The following CENPH variants were observed in gnomAD, a reference collection of about 807,000 sequenced individuals.
CENPH encodes the protein CENP-H.
A neutral mutation model predicts 42.9 loss-of-function variants in CENPH; 40 were observed. The observed-to-expected ratio is 0.93, with a 90% CI of 0.72 to 1.21. The LOEUF (loss-of-function observed/expected upper bound fraction) is 1.21. CENPH is among the 50% of genes most tolerant of loss of function. The probability of loss-of-function intolerance (pLI) is 0.00; values close to 1 mark genes in which losing one functional copy is unlikely to be tolerated. For missense variants in CENPH, 302 were observed against 292.9 expected (o/e 1.03, Z -0.23); for synonymous variants, 88 against 96.5 (o/e 0.91, Z 0.52).
chr5:69,200,167 T>C (rs1398333426), intron 5 of CENPH, among the ~76,000 whole-genome samples: 5 of 151,492 alleles, frequency 3.3e-5, no homozygotes, highest in Non-Finnish European at 7.4e-5. Context: ...CAGTGTTTTA[T>C]TAGCACATTT....
At chr5:69,194,214 A>G (rs1163636509) in intron 2 of CENPH, among the ~76,000 whole-genome samples, 2 of 151,804 alleles carry the variant, frequency 1.3e-5, no homozygotes, top group African/African-American at 4.8e-5. Context: ...GCTGGAGTGC[A>G]GTAGCAAGAT....
At chr5:69,191,261 C>G (rs1034213631) in intron 1 of CENPH, among the ~76,000 whole-genome samples, 6 of 152,146 alleles carry the variant, frequency 3.9e-5, no homozygotes, top group Non-Finnish European at 4.4e-5. Context: ...GCCTGTAATC[C>G]CAGCACTTTG....
intron 5 of CENPH, among the ~76,000 whole-genome samples, chr5:69,200,229 T>C (rs1748036398): frequency 6.6e-6 from 1 of 152,142 alleles, no homozygotes; most frequent in Admixed American, 6.6e-5. Context: ...TGGAATGCCA[T>C]TAGGCAGAAC....
At chr5:69,202,242 A>C (rs1748071381) in intron 5 of CENPH, among the ~76,000 whole-genome samples, 2 of 152,236 alleles carry the variant, frequency 1.3e-5, no homozygotes, top group South Asian at 4.1e-4. Context: ...AATTTTTAGA[A>C]ATGTTCCCAC....
rs751347459 is a variant in CENPH, at chr5:69,189,707, C to T, written c.73C>T (p.Pro25Ser). ...CGGAGGGGAAGGCCGGGCAGGCGGGCCACCGCAGGTCGCCGGCGCCCAGGC... is the reference window on the plus strand; with the variant it reads ...CGGAGGGGAAGGCCGGGCAGGCGGGTCACCGCAGGTCGCCGGCGCCCAGGC... ...DSGGEGRAGG[P>S]PQVAGAQAAC... Residue 25 changes from proline to serine, a missense_variant, in exon 1 of 9, where the codon CCA becomes TCA. Coordinates refer to ENST00000283006, the MANE Select transcript of CENPH (RefSeq NM_022909.4). 14 of 1,572,602 alleles carry T rather than the reference C, an allele frequency of 8.9e-6. No homozygotes were observed. The highest frequency in any genetic ancestry group is 2.2e-4 in the Middle Eastern group (1 of 4,552).
intron 7 of CENPH, among the ~76,000 whole-genome samples, chr5:69,205,615 G>GCAATCCTTTCACCT (rs1307347094): frequency 6.6e-6 from 1 of 151,030 alleles, no homozygotes; most frequent in Non-Finnish European, 1.5e-5. Flanking sequence ...CTGGACTCGA[G>GCAATCCTTTCACCT]CAATCCTTTC....
chr5:69,189,792 C>T, intron 1 of CENPH, 24 bp downstream of exon 1: 2 of 1,427,656 alleles, frequency 1.4e-6, no homozygotes, highest in East Asian at 2.8e-5. Flanking sequence ...GCCTCCTCAG[C>T]CGGGGCCAAG....
chr5:69,202,916 C>T lies in CENPH; in HGVS notation c.436-3C>T, dbSNP rs1748080743. On this transcript the variant is annotated splice_polypyrimidine_tract_variant and splice_region_variant and intron_variant, in intron 6 of 8. Coordinates refer to ENST00000283006, the MANE Select transcript of CENPH (RefSeq NM_022909.4). ...GCTTTAACTTTTTTATTTTTAATAA[C>T]AGGAATCTTGGGATTTAGAGGAAAA... 6.5e-7 allele frequency: 1 copy of T among 1,546,358 alleles called. No individual in the cohort carries two copies. The highest frequency in any genetic ancestry group is 1.8e-5 in the Admixed American group (1 of 56,736).
chr5:69,194,677 A>C lies in CENPH; in HGVS notation c.221A>C (p.Gln74Pro). The C allele has an allele frequency of 6.3e-7, 1 of 1,588,146 alleles. No homozygotes were observed. The highest frequency in any genetic ancestry group is 8.6e-7 in the Non-Finnish European group (1 of 1,164,862). The part of the protein sequence containing the change: ...SEEKTPEQIM[Q>P]EKQIEAKIED... ...GAAAAAACTCCAGAACAAATTATGCAAGAAAAGCAAATCGAAGCGTATGTT... is the reference window on the plus strand; with the variant it reads ...GAAAAAACTCCAGAACAAATTATGCCAGAAAAGCAAATCGAAGCGTATGTT... Residue 74 changes from glutamine (Q) to proline (P), a missense_variant, in exon 3 of 9, where the codon CAA (glutamine) becomes CCA (proline). Coordinates refer to ENST00000283006, the MANE Select transcript of CENPH (RefSeq NM_022909.4).
At position 69,200,404 on chromosome 5, in the gene CENPH, T is replaced by G. The variant is rs1333043988; in HGVS notation, c.372-2102T>G. On this transcript the variant is annotated intron_variant, in intron 5 of 8. Coordinates refer to ENST00000283006, the MANE Select transcript of CENPH (RefSeq NM_022909.4). ...CATTTTGTCTTCTATGAACACCTTATAAAAGCTTCCTCACTCAACTCCCAC... is the reference window on the plus strand; with the variant it reads ...CATTTTGTCTTCTATGAACACCTTAGAAAAGCTTCCTCACTCAACTCCCAC... Among the ~76,000 whole-genome samples, 18 of 152,210 alleles carry G rather than the reference T, an allele frequency of 1.2e-4. 1 individual carries two copies. Among genetic ancestry groups the G allele is most frequent in the Admixed American group, 1.2e-3 (18 of 15,268 alleles).
chr5:69,203,134 C>T (rs1436174955), intron 7 of CENPH, among the ~76,000 whole-genome samples, 164 bp downstream of exon 7: 1 of 151,952 alleles, frequency 6.6e-6, no homozygotes, highest in East Asian at 1.9e-4. Context: ...ACATTTTGTT[C>T]TGTTTATTCT....
intron 2 of CENPH, among the ~76,000 whole-genome samples, chr5:69,193,508 C>T (rs983561651): frequency 6.6e-6 from 1 of 151,776 alleles, no homozygotes; most frequent in Admixed American, 6.6e-5. Context: ...GCCTGTAGTC[C>T]CACCCAGCTG....
intron 7 of CENPH, 76 bp from the exon 8 acceptor site, chr5:69,208,120 C>A: frequency 2.7e-6 from 2 of 737,520 alleles, no homozygotes; most frequent in East Asian, 3.2e-5. Context: ...AAGAAGTGAT[C>A]TGCTTCATAA....
chr5:69,192,445 C>T (rs942896313), intron 2 of CENPH, among the ~76,000 whole-genome samples: 1 of 152,140 alleles, frequency 6.6e-6, no homozygotes, highest in African/African-American at 2.4e-5. Flanking sequence ...AATTTCTATA[C>T]CTAGGAGACG....
intron 3 of CENPH, among the ~76,000 whole-genome samples, chr5:69,195,399 T>A (rs950556161): frequency 6.6e-6 from 1 of 152,190 alleles, no homozygotes. Context: ...GCATTGTTTT[T>A]ATTTTTCCTT....
intron 7 of CENPH, among the ~76,000 whole-genome samples, chr5:69,205,573 G>C (rs1249387957): frequency 6.6e-6 from 1 of 151,890 alleles, no homozygotes; most frequent in African/African-American, 2.4e-5. Flanking sequence ...CAGGCTGGAG[G>C]CACACTCATG....
At position 69,191,836 on chromosome 5, in the gene CENPH, C is replaced by A; in HGVS notation, c.176C>A (p.Ser59Ter). ...AAACAACAACTCTTAGAATATAAATCAATGGTTGATGCAAGTAAGTATTTT... is the reference window on the plus strand; with the variant it reads ...AAACAACAACTCTTAGAATATAAATAAATGGTTGATGCAAGTAAGTATTTT... ...QTKQQLLEYK[S>*]MVDASEEKTP... Residue 59 changes from serine to a stop codon, truncating the protein, a stop_gained, in exon 2 of 9, where the codon TCA becomes TAA. Coordinates refer to ENST00000283006, the MANE Select transcript of CENPH (RefSeq NM_022909.4). LOFTEE classifies it high-confidence loss of function. 6.5e-7 allele frequency: 1 copy of A among 1,540,190 alleles called. No individual in the cohort carries two copies. The highest frequency in any genetic ancestry group is 1.1e-5 in the South Asian group (1 of 89,256).
intron 5 of CENPH, among the ~76,000 whole-genome samples, chr5:69,197,913 C>T (rs541250556): frequency 0.058 from 4,321 of 74,210 alleles, 152 homozygotes; most frequent in African/African-American, 0.1. Context: ...TACCTATGAT[C>T]TTTTTTTTTT....
intron 1 of CENPH, 89 bp from the exon 2 acceptor site, chr5:69,191,706 G>A (rs553643307): frequency 1.6e-5 from 12 of 749,214 alleles, no homozygotes; most frequent in South Asian, 8.2e-5. Context: ...ATCAGCTTCC[G>A]AAAAAGAATG....
Sources: gnomAD v4.1 joint callset for allele counts (sites outside exome capture counted in the v4.1 genomes callset) on GRCh38, gnomAD v4.1.1 for gene constraint, MANE v1.5 for transcripts, NCBI Gene and HGNC (gene_info 2026-07-23, HGNC 2026-07-21) for gene names.